CDH18: variants seen among roughly 807,000 people sequenced by gnomAD.
The protein encoded by CDH18 is cadherin-18.
In CDH18, 31 loss-of-function variants were observed where a neutral mutation model predicts 67.9. That is an observed-to-expected ratio of 0.46 (90% CI 0.34 to 0.62). CDH18 has a LOEUF of 0.62. Ranked by LOEUF, CDH18 falls within the 20% of genes least tolerant of loss-of-function variation. CDH18 has a pLI of 0.01. For synonymous variants in CDH18, 362 were observed against 347.2 expected (o/e 1.04, Z -0.48); for missense variants, 890 against 975.5 (o/e 0.91, Z 1.17).
intron 2 of CDH18, among the ~76,000 whole-genome samples, chr5:20,017,549 A>T (rs2150425884): frequency 6.6e-6 from 1 of 152,318 alleles, no homozygotes; most frequent in East Asian, 1.9e-4. Flanking sequence ...AAATGTCTAT[A>T]GATTAAAATT....
At chr5:19,573,702 T>A (rs1276852056) in intron 7 of CDH18, among the ~76,000 whole-genome samples, 1 of 152,158 alleles carries the variant, frequency 6.6e-6, no homozygotes, top group African/African-American at 2.4e-5. Context: ...CCATCAAAAT[T>A]TAAATAACTC....
intron 1 of CDH18, among the ~76,000 whole-genome samples, chr5:20,566,612 T>G (rs1468809387): frequency 6.7e-6 from 1 of 150,134 alleles, no homozygotes; most frequent in Non-Finnish European, 1.5e-5. Context: ...CCTGACTTCG[T>G]GATCCGCCCA....
intron 2 of CDH18, among the ~76,000 whole-genome samples, chr5:20,246,434 T>G (rs1165296911): frequency 1.3e-5 from 2 of 152,222 alleles, no homozygotes; most frequent in Admixed American, 6.5e-5. Flanking sequence ...CTCTTTTAAA[T>G]AGCAGATCTG....
At chr5:20,351,191 T>TGTGTGCGC (rs1420969028) in intron 1 of CDH18, among the ~76,000 whole-genome samples, 6 of 148,680 alleles carry the variant, frequency 4.0e-5, no homozygotes, top group East Asian at 2.0e-4. Flanking sequence ...TGTGTGTGTG[T>TGTGTGCGC]GCGTGTGTGT....
intron 4 of CDH18, among the ~76,000 whole-genome samples, chr5:19,729,069 T>C (rs990408672): frequency 1.3e-5 from 2 of 152,168 alleles, no homozygotes; most frequent in Non-Finnish European, 2.9e-5. Context: ...CAAAACAAAA[T>C]TCACTATTTT....
At chr5:19,568,374 T>C (rs761382176) in intron 8 of CDH18, among the ~76,000 whole-genome samples, 2 of 152,158 alleles carry the variant, frequency 1.3e-5, no homozygotes, top group Non-Finnish European at 2.9e-5. Context: ...CAAGAGGAGC[T>C]TGGAGCTAGC....
chr5:20,450,312 A>C (rs1750342907), intron 1 of CDH18, among the ~76,000 whole-genome samples: 1 of 152,096 alleles, frequency 6.6e-6, no homozygotes, highest in Admixed American at 6.5e-5. Flanking sequence ...ATGCCATTGC[A>C]CTCCAGCCTG....
At chr5:19,889,863 T>G (rs540498926) in intron 2 of CDH18, among the ~76,000 whole-genome samples, 7 of 152,196 alleles carry the variant, frequency 4.6e-5, no homozygotes, top group Non-Finnish European at 1.0e-4. Flanking sequence ...AAATGCTGTT[T>G]GCTCCAGAAG....
In CDH18 at chr5:20,400,401, C is replaced by A. The variant is rs138150866; in HGVS notation, c.-579-144896G>T. On this transcript the variant is annotated intron_variant, in intron 1 of 14. Coordinates refer to the CDH18 transcript ENST00000507958. The stretch of plus-strand genomic sequence containing the variant: ...GCTCAGGTGGGAGAATTGCTTGAAG[C>A]CAGGAGACGGAGGTTGCAGTGAGCC... 2.2e-3 allele frequency among the ~76,000 whole-genome samples: 329 copies of A among 152,076 alleles called. 2 individuals carry two copies. Among genetic ancestry groups the A allele is most frequent in the African/African-American group, 7.7e-3 (319 of 41,464 alleles).
intron 1 of CDH18, among the ~76,000 whole-genome samples, chr5:20,338,617 C>T (rs1265354114): frequency 2.0e-5 from 3 of 152,210 alleles, no homozygotes; most frequent in Non-Finnish European, 4.4e-5. Context: ...ATGAAGGTTA[C>T]ATCCTTTTGA....
At chr5:19,568,766 T>C (rs1048055549) in intron 8 of CDH18, among the ~76,000 whole-genome samples, 1 of 152,172 alleles carries the variant, frequency 6.6e-6, no homozygotes, top group Admixed American at 6.5e-5. Context: ...TCCCAGCCTC[T>C]AGAACTGTGA....
chr5:20,264,642 G>C (rs1744897315), intron 1 of CDH18, among the ~76,000 whole-genome samples: 1 of 151,886 alleles, frequency 6.6e-6, no homozygotes. Flanking sequence ...CCACAAAGCG[G>C]AAAAATCTTG....
At chr5:20,409,184 T>C (rs948611132) in intron 1 of CDH18, among the ~76,000 whole-genome samples, 1 of 151,796 alleles carries the variant, frequency 6.6e-6, no homozygotes, top group African/African-American at 2.4e-5. Context: ...CTAACAGGCA[T>C]ATACAGAGCA....
At chr5:20,499,799 A>G (rs981196722) in intron 1 of CDH18, among the ~76,000 whole-genome samples, 3 of 152,156 alleles carry the variant, frequency 2.0e-5, no homozygotes, top group African/African-American at 7.2e-5. Context: ...ATAAATGTTC[A>G]CGTGTGGATG....
At chr5:20,559,251 G>A (rs1758073410) in intron 1 of CDH18, among the ~76,000 whole-genome samples, 1 of 151,910 alleles carries the variant, frequency 6.6e-6, no homozygotes, top group Admixed American at 6.6e-5. Context: ...AGCTTACTTG[G>A]TAAACATCAG....
At chr5:20,489,780 C>G (rs2126377276) in intron 1 of CDH18, among the ~76,000 whole-genome samples, 1 of 151,850 alleles carries the variant, frequency 6.6e-6, no homozygotes, top group South Asian at 2.1e-4. Context: ...CATTGAAGTT[C>G]TGTAGCTGAC....
intron 1 of CDH18, among the ~76,000 whole-genome samples, chr5:20,365,339 A>C (rs549971307): frequency 1.3e-5 from 2 of 152,232 alleles, no homozygotes; most frequent in Admixed American, 1.3e-4. Context: ...CCTCATCTCC[A>C]AATACCATCA....
chr5:20,420,423 G>A (rs1452775533), intron 1 of CDH18, among the ~76,000 whole-genome samples: 3 of 150,998 alleles, frequency 2.0e-5, no homozygotes, highest in Admixed American at 6.6e-5. Context: ...GTATTCCAAC[G>A]TTATATTCTT....
At chr5:19,605,000 T>C (rs557823651) in intron 6 of CDH18, among the ~76,000 whole-genome samples, 1 of 152,114 alleles carries the variant, frequency 6.6e-6, no homozygotes, top group East Asian at 1.9e-4. Context: ...GGTGTGCAAA[T>C]TGATTTGTAA....
Sources: gnomAD v4.1 joint callset for allele counts (sites outside exome capture counted in the v4.1 genomes callset) on GRCh38, gnomAD v4.1.1 for gene constraint, MANE v1.5 for transcripts, NCBI Gene and HGNC (gene_info 2026-07-23, HGNC 2026-07-21) for gene names.